COL26A1: variants seen among roughly 807,000 people sequenced by gnomAD.
COL26A1 encodes collagen alpha-1(XXVI) chain.
Under a neutral mutation model 59.3 loss-of-function variants are expected in COL26A1, and 41 were observed. The observed-to-expected ratio is 0.69, with a 90% CI of 0.54 to 0.90. COL26A1 has a LOEUF of 0.90. COL26A1 is among the 40% of genes least tolerant of loss of function. The probability of loss-of-function intolerance (pLI) is 0.00; values close to 1 mark genes in which losing one functional copy is unlikely to be tolerated. For synonymous variants in COL26A1, 266 were observed against 256.0 expected (o/e 1.04, Z -0.37); for missense variants, 612 against 602.3 (o/e 1.02, Z -0.17).
At chr7:101,444,417 CTTT>C (rs71517174) in intron 2 of COL26A1, among the ~76,000 whole-genome samples, 16 of 137,748 alleles carry the variant, frequency 1.2e-4, no homozygotes, top group Middle Eastern at 3.4e-3. Flanking sequence ...TTCCTTTCTT[CTTT>C]TTTTTTTTTT....
At chr7:101,468,951 G>A (rs1362902731) in intron 3 of COL26A1, among the ~76,000 whole-genome samples, 3 of 152,238 alleles carry the variant, frequency 2.0e-5, no homozygotes, top group Non-Finnish European at 2.9e-5. Context: ...CCTTGGCCAA[G>A]TCACAGCCTC....
At chr7:101,406,596 T>C (rs1490570932) in intron 1 of COL26A1, among the ~76,000 whole-genome samples, 1 of 152,186 alleles carries the variant, frequency 6.6e-6, no homozygotes, top group East Asian at 1.9e-4. Context: ...AGCTTCTGCC[T>C]CTCCATCCTG....
intron 2 of COL26A1, among the ~76,000 whole-genome samples, chr7:101,433,103 G>T (rs369949542): frequency 1.3e-5 from 2 of 152,072 alleles, no homozygotes; most frequent in Non-Finnish European, 2.9e-5. Flanking sequence ...TGGGTGGATC[G>T]CTTGAGGCCA....
chr7:101,535,113 C>T (rs576217976), intron 4 of COL26A1, among the ~76,000 whole-genome samples: 1 of 152,288 alleles, frequency 6.6e-6, no homozygotes, highest in African/African-American at 2.4e-5. Flanking sequence ...CAGGGTCTCC[C>T]AGCAGCCCAG....
chr7:101,445,321 G>T lies in COL26A1; in HGVS notation c.282-2363G>T, dbSNP rs1793159794. ...TACCGGAGACTGGGTAATTTATAAAGAAAAGTTTAATTTGGCTCACAGTTC... is the reference window on the plus strand; with the variant it reads ...TACCGGAGACTGGGTAATTTATAAATAAAAGTTTAATTTGGCTCACAGTTC... On this transcript the variant is annotated intron_variant, in intron 2 of 12. Coordinates refer to ENST00000313669, the MANE Select transcript of COL26A1 (RefSeq NM_001278563.3). Among the ~76,000 whole-genome samples, 3 of 152,186 alleles carry T rather than the reference G, an allele frequency of 2.0e-5. No homozygotes were observed. The South Asian group carries it at 6.2e-4, about 32-fold the overall frequency.
chr7:101,468,231 AG>A (rs1184324622), intron 3 of COL26A1, among the ~76,000 whole-genome samples: 1 of 151,400 alleles, frequency 6.6e-6, no homozygotes, highest in African/African-American at 2.4e-5. Flanking sequence ...TGAACCCGGG[AG>A]GTGGAGGTGC....
intron 4 of COL26A1, among the ~76,000 whole-genome samples, chr7:101,533,835 C>A (rs1374612854): frequency 8.5e-5 from 13 of 152,232 alleles, no homozygotes; most frequent in African/African-American, 1.2e-4. Context: ...CTGCTCCTCA[C>A]TGGGTAACAC....
chr7:101,517,063 A>T (rs1795043293), intron 3 of COL26A1, among the ~76,000 whole-genome samples: 1 of 151,980 alleles, frequency 6.6e-6, no homozygotes, highest in African/African-American at 2.4e-5. Flanking sequence ...CCTGAGTCTG[A>T]CCCTGAGACT....
chr7:101,501,772 G>T (rs1052313385), intron 3 of COL26A1, among the ~76,000 whole-genome samples: 1 of 152,214 alleles, frequency 6.6e-6, no homozygotes, highest in Non-Finnish European at 1.5e-5. Context: ...GTGAGTGTGC[G>T]CCATGGGCTG....
At chr7:101,544,966 C>A (rs1017862820) in intron 6 of COL26A1, among the ~76,000 whole-genome samples, 1 of 152,182 alleles carries the variant, frequency 6.6e-6, no homozygotes, top group Non-Finnish European at 1.5e-5. Flanking sequence ...CGGGGAAGGA[C>A]CCCTGGTTCA....
intron 3 of COL26A1, among the ~76,000 whole-genome samples, chr7:101,471,818 G>C (rs1485007055): frequency 6.6e-6 from 1 of 151,970 alleles, no homozygotes; most frequent in Non-Finnish European, 1.5e-5. Flanking sequence ...GACCTCAAGT[G>C]ATCTGCCCAC....
chr7:101,495,777 C>T (rs1167880989), intron 3 of COL26A1, among the ~76,000 whole-genome samples: 1 of 150,154 alleles, frequency 6.7e-6, no homozygotes, highest in Non-Finnish European at 1.5e-5. Context: ...CTAGGGCCTT[C>T]AAAGTCCTCA....
intron 1 of COL26A1, among the ~76,000 whole-genome samples, chr7:101,371,599 AAT>A (rs35346511): frequency 0.58 from 87,355 of 151,042 alleles, 26,799 homozygotes; most frequent in African/African-American, 0.8. Flanking sequence ...CAGCCCGGGA[AAT>A]ATAGTCAGAC....
At chr7:101,461,905 G>A (rs1017142963) in intron 3 of COL26A1, among the ~76,000 whole-genome samples, 9 of 152,162 alleles carry the variant, frequency 5.9e-5, no homozygotes, top group African/African-American at 1.7e-4. Flanking sequence ...TCACCGTTGG[G>A]GCCATGGGGT....
chr7:101,385,471 A>G (rs1791551504), intron 1 of COL26A1, among the ~76,000 whole-genome samples: 1 of 150,290 alleles, frequency 6.7e-6, no homozygotes. Flanking sequence ...CCTGGGTTCA[A>G]GTGATTCTCC....
intron 3 of COL26A1, among the ~76,000 whole-genome samples, chr7:101,532,144 G>A (rs941889528): frequency 3.9e-5 from 6 of 151,988 alleles, no homozygotes; most frequent in Non-Finnish European, 8.8e-5. Context: ...CTCGGGCCTC[G>A]GGGGAGACAG....
At chr7:101,475,759 T>C (rs1489574851) in intron 3 of COL26A1, among the ~76,000 whole-genome samples, 4 of 132,100 alleles carry the variant, frequency 3.0e-5, no homozygotes, top group African/African-American at 1.2e-4. Context: ...TTCCTTTTTC[T>C]TTCTTTCTCT....
intron 4 of COL26A1, among the ~76,000 whole-genome samples, chr7:101,536,908 A>C (rs1463186753): frequency 2.6e-5 from 4 of 152,160 alleles, no homozygotes; most frequent in African/African-American, 9.7e-5. Context: ...TAAAGGCAGG[A>C]AGTGGAGGGT....
intron 1 of COL26A1, among the ~76,000 whole-genome samples, chr7:101,385,266 T>C (rs903716856): frequency 4.1e-5 from 6 of 146,430 alleles, no homozygotes; most frequent in African/African-American, 1.2e-4. Context: ...CACACACATA[T>C]ATATGTGTAT....
Sources: gnomAD v4.1 joint callset for allele counts (sites outside exome capture counted in the v4.1 genomes callset) on GRCh38, gnomAD v4.1.1 for gene constraint, MANE v1.5 for transcripts, NCBI Gene and HGNC (gene_info 2026-07-23, HGNC 2026-07-21) for gene names.